Variants in SPAG17 observed in about 807,000 individuals in gnomAD.
SPAG17 encodes sperm-associated antigen 17.
In SPAG17, 169 loss-of-function variants were observed where a neutral mutation model predicts 273.6. That is an observed-to-expected ratio of 0.62 (90% CI 0.55 to 0.70). SPAG17 has a LOEUF of 0.70. Among genes scored for constraint, SPAG17 ranks in the 30% least tolerant of loss-of-function variants. SPAG17 has a pLI of 0.00. For missense variants in SPAG17, 2,557 were observed against 2,627.8 expected (o/e 0.97, Z 0.59); for synonymous variants, 825 against 873.2 (o/e 0.94, Z 0.97).
chr1:117,957,350 G>A (rs1381226493), intron 48 of SPAG17, among the ~76,000 whole-genome samples: 1 of 152,174 alleles, frequency 6.6e-6, no homozygotes. Flanking sequence ...GCTGAGGTGG[G>A]TGGATTGCTT....
chr1:118,147,268 ATGTT>A (rs895903979), intron 3 of SPAG17, among the ~76,000 whole-genome samples: 2 of 152,170 alleles, frequency 1.3e-5, no homozygotes, highest in Admixed American at 6.5e-5. Context: ...TTTAACGAGT[ATGTT>A]TGTTAATATT....
At chr1:117,960,765 T>G (rs1652968513) in intron 48 of SPAG17, 1 of 152,058 alleles carries the variant, frequency 6.6e-6, no homozygotes, top group Non-Finnish European at 1.5e-5. Flanking sequence ...TTTACATTAT[T>G]TTACATTTCT....
chr1:117,961,298 TA>T (rs951244588), intron 48 of SPAG17: 2 of 151,330 alleles, frequency 1.3e-5, no homozygotes, highest in East Asian at 1.9e-4. Context: ...ATAATAATAG[TA>T]AAAAAAAATC....
At chr1:118,161,566 C>T (rs775588036) in intron 1 of SPAG17, among the ~76,000 whole-genome samples, 1 of 152,008 alleles carries the variant, frequency 6.6e-6, no homozygotes, top group Non-Finnish European at 1.5e-5. Context: ...TAGACGTAGT[C>T]TCGCTCTGTC....
chr1:118,070,826 T>C (rs775418065), intron 17 of SPAG17, among the ~76,000 whole-genome samples: 1 of 152,224 alleles, frequency 6.6e-6, no homozygotes, highest in Non-Finnish European at 1.5e-5. Context: ...ATATAGTGTA[T>C]AGCACAGTTA....
chr1:117,977,545 T>C (rs549290043), intron 43 of SPAG17, among the ~76,000 whole-genome samples: 7 of 152,302 alleles, frequency 4.6e-5, no homozygotes, highest in African/African-American at 1.4e-4. Context: ...TTAAAATCTA[T>C]GAAATTCTGT....
Position 118,185,016 on chromosome 1 carries a change from G to A in SPAG17, c.87+55C>T, listed in dbSNP as rs903042743. ...TTAAGGCGTCGCCTAGGAGGGTCTGGCCGGGCCTCTGGCATTGCCGGGGGC... is the reference window on the plus strand; with the variant it reads ...TTAAGGCGTCGCCTAGGAGGGTCTGACCGGGCCTCTGGCATTGCCGGGGGC... On this transcript the variant is annotated intron_variant, in intron 1 of 48. Transcript: ENST00000336338. 1.6e-5 allele frequency: 23 copies of A among 1,483,292 alleles called. No homozygotes were observed. The South Asian group carries it at 1.6e-4, about 10-fold the overall frequency. The allele number at this position is 1,483,292 out of a possible 1,614,324, so 91.9% of individuals were successfully genotyped here. A position where few individuals can be genotyped will look rare whatever the true frequency, so the allele number is the denominator to read the frequency against.
intron 25 of SPAG17, 124 bp downstream of exon 25, chr1:118,031,568 G>T (rs534316609): frequency 5.7e-6 from 6 of 1,054,958 alleles, no homozygotes; most frequent in South Asian, 3.3e-5. Flanking sequence ...TACAAGGGAC[G>T]TTAATGTATC....
chr1:118,114,290 A>G (rs921882904), intron 4 of SPAG17, among the ~76,000 whole-genome samples: 1 of 152,186 alleles, frequency 6.6e-6, no homozygotes, highest in Non-Finnish European at 1.5e-5. Flanking sequence ...CACAATATGT[A>G]CCACACTAAT....
Position 117,954,015 on chromosome 1 carries a change from G to A in SPAG17, c.*35C>T, listed in dbSNP as rs1221688107. Reference sequence around the variant, plus strand: ...TTTCTCATCCTCTGTAGGCTGAGAGGATTATGGAGGCTATTGAGTTGTACC... The same window carrying A: ...TTTCTCATCCTCTGTAGGCTGAGAGAATTATGGAGGCTATTGAGTTGTACC... On this transcript the variant is annotated 3_prime_UTR_variant, in exon 49 of 49. Coordinates refer to ENST00000336338, the MANE Select transcript of SPAG17 (RefSeq NM_206996.4). The A allele has an allele frequency of 6.2e-7, 1 of 1,611,262 alleles. No individual in the cohort carries two copies. Among genetic ancestry groups the A allele is most frequent in the East Asian group, 2.2e-5 (1 of 44,846 alleles).
At chr1:118,171,141 A>G (rs1185906887) in intron 1 of SPAG17, among the ~76,000 whole-genome samples, 1 of 152,232 alleles carries the variant, frequency 6.6e-6, no homozygotes, top group Non-Finnish European at 1.5e-5. Flanking sequence ...GAGATGTTAT[A>G]GAAAAAATCA....
intron 4 of SPAG17, among the ~76,000 whole-genome samples, chr1:118,104,845 G>A (rs1018813862): frequency 6.6e-6 from 1 of 152,144 alleles, no homozygotes; most frequent in African/African-American, 2.4e-5. Context: ...TGGAAGTTTG[G>A]TTGTGAAGCA....
chr1:117,960,880 A>G (rs1473965520), intron 48 of SPAG17: 1 of 152,240 alleles, frequency 6.6e-6, no homozygotes, highest in East Asian at 1.9e-4. Context: ...ATAGTCTAGT[A>G]TCTACATATA....
intron 17 of SPAG17, among the ~76,000 whole-genome samples, chr1:118,067,535 G>A (rs1349630009): frequency 6.6e-6 from 1 of 152,276 alleles, no homozygotes; most frequent in Non-Finnish European, 1.5e-5. Flanking sequence ...AAGCCAGGAA[G>A]GGAGTCCTCA....
At chr1:118,099,920 A>G (rs1233007862) in intron 5 of SPAG17, 120 bp from the exon 6 acceptor site, 1 of 803,196 alleles carries the variant, frequency 1.2e-6, no homozygotes, top group African/African-American at 1.7e-5. Context: ...CTTGCCAAAA[A>G]TGATCCAGTT....
At chr1:118,084,192 C>T (rs1025566872) in intron 13 of SPAG17, among the ~76,000 whole-genome samples, 1 of 152,128 alleles carries the variant, frequency 6.6e-6, no homozygotes, top group Non-Finnish European at 1.5e-5. Context: ...AAATGACATA[C>T]CAGGCCCTCG....
chr1:118,147,256 G>A (rs1389520706), intron 3 of SPAG17, among the ~76,000 whole-genome samples: 1 of 152,086 alleles, frequency 6.6e-6, no homozygotes, highest in Non-Finnish European at 1.5e-5. Flanking sequence ...TGGCACTAGT[G>A]CTTTAACGAG....
intron 1 of SPAG17, among the ~76,000 whole-genome samples, chr1:118,160,644 AC>A (rs1200481513): frequency 6.6e-6 from 1 of 152,240 alleles, no homozygotes; most frequent in Admixed American, 6.5e-5. Flanking sequence ...TTCTACAAAC[AC>A]AAGATTGCCC....
At chr1:117,957,341 C>A in intron 48 of SPAG17, 1 of 1,058,186 alleles carries the variant, frequency 9.5e-7, no homozygotes. Flanking sequence ...CTTTGGGAGG[C>A]TGAGGTGGGT....
Sources: gnomAD v4.1 joint callset for allele counts (sites outside exome capture counted in the v4.1 genomes callset) on GRCh38, gnomAD v4.1.1 for gene constraint, MANE v1.5 for transcripts, NCBI Gene and HGNC (gene_info 2026-07-23, HGNC 2026-07-21) for gene names.